SLC25A21: variants seen among roughly 807,000 people sequenced by gnomAD.
SLC25A21 encodes mitochondrial 2-oxodicarboxylate carrier.
Under a neutral mutation model 43.8 loss-of-function variants are expected in SLC25A21, and 47 were observed. That is an observed-to-expected ratio of 1.07 (90% CI 0.85 to 1.37). The LOEUF is 1.37. SLC25A21 is among the 40% of genes most tolerant of loss of function. The pLI, the probability that SLC25A21 is intolerant of heterozygous loss-of-function variation, is 0.00. For synonymous variants in SLC25A21, 131 were observed against 121.3 expected (o/e 1.08, Z -0.52); for missense variants, 352 against 350.2 (o/e 1.00, Z -0.04).
chr14:36,800,953 C>A (rs148077147), intron 3 of SLC25A21, among the ~76,000 whole-genome samples: 65 of 152,238 alleles, frequency 4.3e-4, no homozygotes, highest in African/African-American at 1.6e-3. Flanking sequence ...AAGATGGAAA[C>A]ATTTTTTTCT....
chr14:36,747,995 A>G (rs2139253413), intron 3 of SLC25A21, among the ~76,000 whole-genome samples: 1 of 152,338 alleles, frequency 6.6e-6, no homozygotes, highest in Middle Eastern at 3.4e-3. Flanking sequence ...AATTGTGCAC[A>G]ATGCTTTACA....
chr14:36,964,684 G>A (rs891597044), intron 1 of SLC25A21, among the ~76,000 whole-genome samples: 84 of 152,224 alleles, frequency 5.5e-4, no homozygotes, highest in African/African-American at 1.9e-3. Context: ...GTATTAAGCA[G>A]TGACTATAAA....
chr14:36,736,679 T>C (rs1346308281), intron 3 of SLC25A21, among the ~76,000 whole-genome samples: 2 of 152,108 alleles, frequency 1.3e-5, no homozygotes, highest in African/African-American at 4.8e-5. Flanking sequence ...AAACAGAGTG[T>C]CCAGATCAAC....
intron 1 of SLC25A21, among the ~76,000 whole-genome samples, chr14:37,095,043 G>C (rs1181182784): frequency 6.6e-6 from 1 of 151,982 alleles, no homozygotes. Flanking sequence ...TTCCACAATG[G>C]CCATGATAAA....
At chr14:37,134,974 C>T (rs1963453911) in intron 1 of SLC25A21, among the ~76,000 whole-genome samples, 4 of 150,788 alleles carry the variant, frequency 2.7e-5, no homozygotes, top group Admixed American at 1.3e-4. Flanking sequence ...GTCACCCAGG[C>T]TGGAGTGCAG....
intron 1 of SLC25A21, among the ~76,000 whole-genome samples, chr14:36,941,014 T>G (rs1439741801): frequency 2.0e-5 from 3 of 152,046 alleles, no homozygotes; most frequent in Non-Finnish European, 2.9e-5. Context: ...TCCTACAGAT[T>G]AAAAGAAACC....
At chr14:36,836,232 A>C (rs1889204730) in intron 2 of SLC25A21, among the ~76,000 whole-genome samples, 2 of 152,248 alleles carry the variant, frequency 1.3e-5, no homozygotes, top group Admixed American at 1.3e-4. Context: ...GAGAACAGCT[A>C]CTTCTGTTGC....
intron 3 of SLC25A21, among the ~76,000 whole-genome samples, chr14:36,796,114 C>G (rs1020883397): frequency 6.6e-6 from 1 of 151,974 alleles, no homozygotes; most frequent in Non-Finnish European, 1.5e-5. Context: ...AAAGGGCCCA[C>G]AAGTCTCTAA....
At chr14:37,069,036 G>T (rs901341875) in intron 1 of SLC25A21, among the ~76,000 whole-genome samples, 2 of 152,040 alleles carry the variant, frequency 1.3e-5, no homozygotes, top group African/African-American at 4.8e-5. Context: ...AATTAGCCGG[G>T]CATGGTGGCA....
intron 1 of SLC25A21, among the ~76,000 whole-genome samples, chr14:36,999,075 G>A (rs535244575): frequency 6.6e-6 from 1 of 152,178 alleles, no homozygotes; most frequent in Admixed American, 6.5e-5. Flanking sequence ...AAATGAGTTG[G>A]AAATACAAAA....
chr14:37,072,041 G>A (rs1424056754), intron 1 of SLC25A21, among the ~76,000 whole-genome samples: 4 of 151,852 alleles, frequency 2.6e-5, no homozygotes, highest in Non-Finnish European at 5.9e-5. Flanking sequence ...AATTAGCTGG[G>A]CATGGTGGCA....
At chr14:36,703,442 G>A (rs1165538798) in intron 7 of SLC25A21, among the ~76,000 whole-genome samples, 1 of 152,198 alleles carries the variant, frequency 6.6e-6, no homozygotes, top group African/African-American at 2.4e-5. Flanking sequence ...TGTGGTGAAT[G>A]ACCACAGGGA....
intron 2 of SLC25A21, among the ~76,000 whole-genome samples, chr14:36,867,503 A>G (rs1043919012): frequency 3.3e-5 from 5 of 152,158 alleles, no homozygotes; most frequent in African/African-American, 1.2e-4. Flanking sequence ...CACAGCCCCA[A>G]AACGACGTGT....
At chr14:37,143,357 G>A (rs542288649) in intron 1 of SLC25A21, among the ~76,000 whole-genome samples, 2 of 152,162 alleles carry the variant, frequency 1.3e-5, no homozygotes, top group African/African-American at 2.4e-5. Flanking sequence ...CACATTCCTC[G>A]TGGTTCAAAT....
intron 1 of SLC25A21, among the ~76,000 whole-genome samples, chr14:37,077,579 T>C (rs1962306577): frequency 6.6e-6 from 1 of 152,164 alleles, no homozygotes; most frequent in African/African-American, 2.4e-5. Context: ...GACCCCTCTA[T>C]AAAAATACTC....
chr14:36,709,643 G>C (rs1883746181), intron 7 of SLC25A21, among the ~76,000 whole-genome samples: 1 of 152,214 alleles, frequency 6.6e-6, no homozygotes, highest in South Asian at 2.1e-4. Context: ...ACTTTGGTTA[G>C]TGAAGTGAAG....
At chr14:37,090,651 C>T (rs1962567565) in intron 1 of SLC25A21, among the ~76,000 whole-genome samples, 1 of 152,120 alleles carries the variant, frequency 6.6e-6, no homozygotes, top group African/African-American at 2.4e-5. Flanking sequence ...ACATAGCTTT[C>T]CAAAGATTAG....
At chr14:37,158,130 TCA>T (rs1434912504) in intron 1 of SLC25A21, among the ~76,000 whole-genome samples, 3 of 152,126 alleles carry the variant, frequency 2.0e-5, no homozygotes, top group Non-Finnish European at 4.4e-5. Context: ...CCTGCTGAAT[TCA>T]CAGTCATATT....
chr14:37,132,474 T>C lies in SLC25A21; in HGVS notation c.70+39807A>G, dbSNP rs116900971. ...GCCAAGAATTTTACCTTGCTGGTGA[T>C]AGACACAGATGAGGTAAAATAGAAA... On this transcript the variant is annotated intron_variant, in intron 1 of 9. Coordinates refer to ENST00000331299, the MANE Select transcript of SLC25A21 (RefSeq NM_030631.4). Among the ~76,000 whole-genome samples, 1,425 of 152,272 alleles carry C rather than the reference T, an allele frequency of 9.4e-3. 10 individuals are homozygous for C. The highest frequency in any genetic ancestry group is 0.019 in the South Asian group (92 of 4,824).
Sources: gnomAD v4.1 joint callset for allele counts (sites outside exome capture counted in the v4.1 genomes callset) on GRCh38, gnomAD v4.1.1 for gene constraint, MANE v1.5 for transcripts, NCBI Gene and HGNC (gene_info 2026-07-23, HGNC 2026-07-21) for gene names.